Variants in HS3ST5 observed in about 807,000 individuals in gnomAD.
The protein encoded by HS3ST5 is heparan sulfate glucosamine 3-O-sulfotransferase 5.
HS3ST5 carries 10 observed loss-of-function variants against 25.4 expected under a neutral mutation model. The observed-to-expected ratio is 0.39, with a 90% confidence interval of 0.24 to 0.67. HS3ST5 has a LOEUF of 0.67. Among genes scored for constraint, HS3ST5 ranks in the 30% least tolerant of loss-of-function variants. The pLI, the probability that HS3ST5 is intolerant of heterozygous loss-of-function variation, is 0.44. For synonymous variants in HS3ST5, 170 were observed against 162.4 expected, an observed-to-expected ratio of 1.05 and a Z score of -0.36; for missense variants, 324 against 420.7, an observed-to-expected ratio of 0.77 and a Z score of 2.01.
chr6:114,337,922 T>C (rs1776672207), intron 1 of HS3ST5, among the ~76,000 whole-genome samples: 1 of 152,060 alleles, frequency 6.6e-6, no homozygotes, highest in African/African-American at 2.4e-5. Flanking sequence ...GCAGTAAAAA[T>C]GATAACATCA....
chr6:114,207,701 C>A (rs1781334738), intron 2 of HS3ST5, among the ~76,000 whole-genome samples: 1 of 151,778 alleles, frequency 6.6e-6, no homozygotes, highest in South Asian at 2.1e-4. Flanking sequence ...TACACCTTTC[C>A]AATGAAAAAA....
chr6:114,157,311 C>T (rs1394358407), intron 3 of HS3ST5, among the ~76,000 whole-genome samples: 3 of 152,184 alleles, frequency 2.0e-5, no homozygotes, highest in Non-Finnish European at 4.4e-5. Flanking sequence ...CTGTCTCATT[C>T]CCATCCAATT....
chr6:114,274,491 G>T (rs947838734), intron 1 of HS3ST5, among the ~76,000 whole-genome samples: 13 of 152,038 alleles, frequency 8.6e-5, no homozygotes, highest in Admixed American at 4.6e-4. Flanking sequence ...ATGGAACTGA[G>T]GTTATAAGGA....
chr6:114,324,809 A>T (rs1191133160), intron 1 of HS3ST5, among the ~76,000 whole-genome samples: 5 of 152,198 alleles, frequency 3.3e-5, no homozygotes, highest in African/African-American at 1.2e-4. Context: ...GGTCTGAACT[A>T]TCACTTATAC....
At chr6:114,284,322 G>A (rs1412157705) in intron 1 of HS3ST5, among the ~76,000 whole-genome samples, 4 of 151,962 alleles carry the variant, frequency 2.6e-5, no homozygotes, top group African/African-American at 7.2e-5. Context: ...TACCAAGAAT[G>A]TATTTTTGTG....
At chr6:114,280,763 C>G (rs1273152220) in intron 1 of HS3ST5, among the ~76,000 whole-genome samples, 2 of 152,000 alleles carry the variant, frequency 1.3e-5, no homozygotes, top group Non-Finnish European at 2.9e-5. Context: ...TGAAGGTAAT[C>G]TGACCTGCTT....
intron 3 of HS3ST5, among the ~76,000 whole-genome samples, chr6:114,154,616 T>A (rs1346353507): frequency 1.3e-5 from 2 of 152,232 alleles, no homozygotes; most frequent in Non-Finnish European, 2.9e-5. Flanking sequence ...CAAGTCAGAC[T>A]ACTGCACCCC....
chr6:114,257,577 T>G (rs972465082), intron 1 of HS3ST5, among the ~76,000 whole-genome samples: 1 of 152,280 alleles, frequency 6.6e-6, no homozygotes, highest in South Asian at 2.1e-4. Flanking sequence ...AAGAATTGAT[T>G]AAAACTAACA....
intron 1 of HS3ST5, among the ~76,000 whole-genome samples, chr6:114,270,871 G>A (rs1255883881): frequency 6.6e-6 from 1 of 151,888 alleles, no homozygotes; most frequent in Non-Finnish European, 1.5e-5. Flanking sequence ...AATGGGTGGT[G>A]CAGATTAACA....
chr6:114,191,556 A>C (rs555227505), intron 2 of HS3ST5, among the ~76,000 whole-genome samples: 2 of 152,204 alleles, frequency 1.3e-5, no homozygotes, highest in Non-Finnish European at 2.9e-5. Flanking sequence ...TTTGAAAACG[A>C]AACAATGGAT....
At chr6:114,330,760 T>C (rs1776361491) in intron 1 of HS3ST5, among the ~76,000 whole-genome samples, 1 of 152,156 alleles carries the variant, frequency 6.6e-6, no homozygotes, top group Non-Finnish European at 1.5e-5. Context: ...AAGCCTACTG[T>C]AGGTATCTAG....
chr6:114,107,289 C>CATAT (rs1004974535), intron 3 of HS3ST5, among the ~76,000 whole-genome samples: 2 of 151,950 alleles, frequency 1.3e-5, no homozygotes, highest in African/African-American at 2.4e-5. Flanking sequence ...AAAGAAAAAC[C>CATAT]ATATGATCAC....
chr6:114,327,383 T>C (rs1252476613), intron 1 of HS3ST5, among the ~76,000 whole-genome samples: 2 of 152,226 alleles, frequency 1.3e-5, no homozygotes, highest in African/African-American at 4.8e-5. Context: ...AGAAGAAGTT[T>C]GGCAGATCTG....
intron 2 of HS3ST5, among the ~76,000 whole-genome samples, chr6:114,215,177 G>A (rs1327610440): frequency 1.3e-5 from 2 of 152,000 alleles, no homozygotes; most frequent in Non-Finnish European, 2.9e-5. Context: ...GTCGTGGCGG[G>A]CCCCTGTAGT....
At position 114,057,199 on chromosome 6, in the gene HS3ST5, C is replaced by T. The variant is rs1772817766; in HGVS notation, c.*58G>A. On this transcript the variant is annotated 3_prime_UTR_variant, in exon 5 of 5. Transcript: ENST00000312719. ...GCCTAGGAAAAGTGCATATTTTAATCTACAGGAGACATTGTGTGTCTCCAG... is the reference window on the plus strand; with the variant it reads ...GCCTAGGAAAAGTGCATATTTTAATTTACAGGAGACATTGTGTGTCTCCAG... 2.4e-6 allele frequency: 3 copies of T among 1,240,002 alleles called. No individual in the cohort carries two copies. In the East Asian group the frequency reaches 7.0e-5, roughly 29 times the overall value. 76.8% of individuals were successfully genotyped at this position (1,240,002 alleles called of 1,614,324 possible).
At chr6:114,074,826 CTT>C (rs1448812972) in intron 3 of HS3ST5, among the ~76,000 whole-genome samples, 1 of 151,994 alleles carries the variant, frequency 6.6e-6, no homozygotes, top group Non-Finnish European at 1.5e-5. Flanking sequence ...ATATAATAAG[CTT>C]ATATGCAAAA....
At chr6:114,074,253 C>G (rs1179771947) in intron 3 of HS3ST5, among the ~76,000 whole-genome samples, 14 of 151,258 alleles carry the variant, frequency 9.3e-5, no homozygotes, top group Admixed American at 9.2e-4. Flanking sequence ...TGTAACAAAC[C>G]TGCACGTTAT....
chr6:114,310,914 T>C (rs1265586844), intron 1 of HS3ST5, among the ~76,000 whole-genome samples: 1 of 152,208 alleles, frequency 6.6e-6, no homozygotes, highest in Non-Finnish European at 1.5e-5. Flanking sequence ...GGCAACTTTC[T>C]GGTTTACTTC....
intron 3 of HS3ST5, among the ~76,000 whole-genome samples, chr6:114,093,964 A>G (rs564650979): frequency 1.1e-4 from 16 of 152,304 alleles, no homozygotes; most frequent in Non-Finnish European, 1.5e-4. Context: ...AGCTGTTTAT[A>G]TATAATAAAA....
Sources: allele counts gnomAD v4.1 joint callset (sites outside exome capture counted in the v4.1 genomes callset), GRCh38; gene constraint gnomAD v4.1.1; transcripts MANE v1.5; gene names NCBI Gene and HGNC (gene_info 2026-07-23, HGNC 2026-07-21).